The following NOL8 variants were observed in gnomAD, a reference collection of about 807,000 sequenced individuals.
The protein encoded by NOL8 is nucleolar protein Nop132.
NOL8 carries 93 observed loss-of-function variants against 116.1 expected under a neutral mutation model. That is an observed-to-expected ratio of 0.80 (90% confidence interval 0.68 to 0.95). The LOEUF is 0.95. Among genes scored for constraint, NOL8 ranks in the 40% least tolerant of loss-of-function variants. The pLI is 0.00. For missense variants in NOL8, 1,291 were observed against 1,382.8 expected, an observed-to-expected ratio of 0.93 and a Z score of 1.05; for synonymous variants, 419 against 469.0, an observed-to-expected ratio of 0.89 and a Z score of 1.38.
At chr9:92,307,954 C>A (rs1487496476) in intron 10 of NOL8, among the ~76,000 whole-genome samples, 2 of 152,136 alleles carry the variant, frequency 1.3e-5, no homozygotes, top group African/African-American at 4.8e-5. Flanking sequence ...CTGCTAATTT[C>A]AACAACTTTT....
In NOL8 at chr9:92,319,502, G is replaced by A. The variant is rs1217444100; in HGVS notation, c.282-146C>T. On this transcript the variant is annotated intron_variant, in intron 4 of 16. Transcript: ENST00000442668. ...ATAAAACAAAAATGCTTTCTTAGTA[G>A]CATAATAGCTTACCTACTTATCTGA... 5.9e-6 allele frequency: 4 copies of A among 680,668 alleles called. No homozygotes were observed. The East Asian group carries it at 1.3e-4, about 23-fold the overall frequency. The allele number at this position is 680,668 out of a possible 1,614,324, so 42.2% of individuals were successfully genotyped here.
In NOL8 at chr9:92,314,189, G is replaced by A. The variant is rs1468492278; in HGVS notation, c.2358+78C>T. 5 of 1,478,028 alleles carry A rather than the reference G, an allele frequency of 3.4e-6. No individual in the cohort carries two copies. In the African/African-American group the frequency reaches 5.6e-5, roughly 17 times the overall value. The allele number at this position is 1,478,028 out of a possible 1,614,324, so 91.6% of individuals were successfully genotyped here. A position where few individuals can be genotyped will look rare whatever the true frequency, so the allele number is the denominator to read the frequency against. Reference sequence around the variant, plus strand: ...ACACCAAGACAATCAGCTCTATGGGGGCACACCTAACTTCATGGGAAAGAA... The same window carrying A: ...ACACCAAGACAATCAGCTCTATGGGAGCACACCTAACTTCATGGGAAAGAA... On this transcript the variant is annotated intron_variant, in intron 7 of 16. Coordinates refer to ENST00000442668, the MANE Select transcript of NOL8 (RefSeq NM_017948.6).
rs76561676 is a variant in NOL8 at position 92,311,401 on chromosome 9, C to A, written c.2359-142G>T. 0.033 allele frequency: 19,323 copies of A among 589,142 alleles called. 641 individuals carry two copies. Among genetic ancestry groups the A allele is most frequent in the South Asian group, 0.13 (5,726 of 45,684 alleles). 36.5% of individuals were successfully genotyped at this position (589,142 alleles called of 1,614,324 possible). On this transcript the variant is annotated intron_variant, in intron 7 of 16. Transcript: ENST00000442668. ...GCACAGCAAAAGAAAAACTTATCAACAAAGTAAACAGACAACGTACAGAAT... is the reference window on the plus strand; with the variant it reads ...GCACAGCAAAAGAAAAACTTATCAAAAAAGTAAACAGACAACGTACAGAAT...
In NOL8 at chr9:92,315,046, T is replaced by TG. The variant is rs1270149210; in HGVS notation, c.1578dup (p.Lys527GlnfsTer55). On this transcript the variant is annotated frameshift_variant, in exon 7 of 17. Coordinates refer to ENST00000442668, the MANE Select transcript of NOL8 (RefSeq NM_017948.6). LOFTEE classifies it high-confidence loss of function. Reference sequence around the variant, plus strand: ...CCTCTGCGGAGGCCAGTGGGAGTCTTGGGGCTCTTGGAGCCTCTGTCAAAC... The same window carrying TG: ...CCTCTGCGGAGGCCAGTGGGAGTCTTGGGGGCTCTTGGAGCCTCTGTCAAAC... The TG allele has an allele frequency of 1.2e-6, 2 of 1,614,050 alleles. No individual in the cohort carries two copies. Among genetic ancestry groups the TG allele is most frequent in the Non-Finnish European group, 1.7e-6 (2 of 1,179,888 alleles).
At chr9:92,304,750 GTGTA>G (rs2134095706) in intron 12 of NOL8, among the ~76,000 whole-genome samples, 1 of 152,230 alleles carries the variant, frequency 6.6e-6, no homozygotes, top group East Asian at 1.9e-4. Context: ...GTAATTATGT[GTGTA>G]TGTAACTAGG....
At chr9:92,309,195 T>C (rs1285601999) in intron 10 of NOL8, among the ~76,000 whole-genome samples, 1 of 152,214 alleles carries the variant, frequency 6.6e-6, no homozygotes, top group Non-Finnish European at 1.5e-5. Context: ...TCCAACACTG[T>C]TAATAATCAC....
intron 13 of NOL8, chr9:92,300,458 TA>T: frequency 1.0e-6 from 1 of 988,272 alleles, no homozygotes; most frequent in Non-Finnish European, 1.2e-6. Flanking sequence ...AACTTTTTGC[TA>T]GAACTGCTGG....
rs746622958 is a variant in NOL8 at position 92,315,505 on chromosome 9, G to A, written c.1120C>T (p.Arg374Cys). The A allele has an allele frequency of 5.0e-6, 8 of 1,609,644 alleles. No homozygotes were observed. Among genetic ancestry groups the A allele is most frequent in the African/African-American group, 4.0e-5 (3 of 74,914 alleles). ...TCTGTATCTCCTGAGTCATACTCACGATCATTTCTCATAATATCATCATCA... is the reference window on the plus strand; with the variant it reads ...TCTGTATCTCCTGAGTCATACTCACAATCATTTCTCATAATATCATCATCA... The part of the protein sequence containing the change: ...DSDDDIMRND[R>C]EYDSGDTDEI... The change falls in exon 7 of 17, where the codon CGT (arginine) becomes TGT (cysteine). Residue 374 changes from arginine (R) to cysteine (C), a missense_variant. By Grantham distance (180) the Arg-to-Cys change is radical (BLOSUM62 -3). Coordinates refer to ENST00000442668, the MANE Select transcript of NOL8 (RefSeq NM_017948.6).
chr9:92,315,105 T>G lies in NOL8; in HGVS notation c.1520A>C (p.Lys507Thr). 1 of 1,614,022 alleles carries G rather than the reference T, an allele frequency of 6.2e-7. No individual in the cohort carries two copies. The highest frequency in any genetic ancestry group is 8.5e-7 in the Non-Finnish European group (1 of 1,179,896). ...GGTGGTGGTTTCTGGTCCATCACTC[T>G]TAGTATCTTCATTTGGAACCTTCAG... Reference protein sequence around the residue: ...SDLKVPNEDTKSDGPETTTQC... With the variant: ...SDLKVPNEDTTSDGPETTTQC... The change falls in exon 7 of 17, where the codon AAG becomes ACG. Residue 507 changes from lysine (K) to threonine (T), a missense_variant. By Grantham distance (78) the Lys-to-Thr change is moderately conservative (BLOSUM62 -1). Transcript: ENST00000442668.
At position 92,300,263 on chromosome 9, in the gene NOL8, A is replaced by C. The variant is rs10992299; in HGVS notation, c.3176-247T>G. The C allele has an allele frequency of 0.011, 11,494 of 1,042,928 alleles. 478 individuals carry two copies. The East Asian group carries it at 0.22, about 20-fold the overall frequency. 64.6% of individuals were successfully genotyped at this position (1,042,928 alleles called of 1,614,324 possible). A position where few individuals can be genotyped will look rare whatever the true frequency, so the allele number is the denominator to read the frequency against. On this transcript the variant is annotated intron_variant, in intron 13 of 16. Coordinates refer to ENST00000442668, the MANE Select transcript of NOL8 (RefSeq NM_017948.6). ...CTGATAAGGACAGCAGTAATATAAA[A>C]AAGGTTTAAAAAATAAAGGTTTATA...
At position 92,314,637 on chromosome 9, in the gene NOL8, C is replaced by G; in HGVS notation, c.1988G>C (p.Ser663Thr). 1 of 1,613,358 alleles carries G rather than the reference C, an allele frequency of 6.2e-7. No homozygotes were observed. The highest frequency in any genetic ancestry group is 8.5e-7 in the Non-Finnish European group (1 of 1,179,588). ...AGGATTCTTACTTCTCTTTTCAGAA[C>G]TGCTAGGGGACACTGCCTTGCGATC... is the stretch of plus-strand genomic sequence containing the variant. The part of the protein sequence containing the change: ...SQDRKAVSPS[S>T]SEKRSKNPIS... The change falls in exon 7 of 17, where the codon AGT becomes ACT. Residue 663 changes from serine (S) to threonine (T), a missense_variant. Transcript: ENST00000442668.
In NOL8 at chr9:92,315,239, T is replaced by C; in HGVS notation, c.1386A>G (p.Ala462=). 1 of 1,613,732 alleles carries C rather than the reference T, an allele frequency of 6.2e-7. No homozygotes were observed. The highest frequency in any genetic ancestry group is 8.5e-7 in the Non-Finnish European group (1 of 1,179,626). Residue 462 remains alanine (A), a synonymous_variant, in exon 7 of 17, where the codon GCA becomes GCG. Coordinates refer to ENST00000442668, the MANE Select transcript of NOL8 (RefSeq NM_017948.6). ...HSSSSEDADS[A]SELADSEGGE... is the part of the protein sequence containing the mutation. The stretch of plus-strand genomic sequence containing the variant: ...CTCCTTCAGAGTCAGCTAATTCTGA[T>C]GCAGAATCAGCATCTTCACTGCTAC...
At position 92,297,629 on chromosome 9, in the gene NOL8, T is replaced by C. The variant is rs190723847; in HGVS notation, c.*207A>G. 85 of 540,694 alleles carry C rather than the reference T, an allele frequency of 1.6e-4. No individual in the cohort carries two copies. The highest frequency in any genetic ancestry group is 1.6e-3 in the African/African-American group (80 of 51,466). 33.5% of individuals were successfully genotyped at this position (540,694 alleles called of 1,614,324 possible). The stretch of plus-strand genomic sequence containing the variant: ...TATCTTGTTCTTCCTTTATAAGAAG[T>C]TGAATTTAATTTTTGAAGTAATTAC... On this transcript the variant is annotated 3_prime_UTR_variant, in exon 17 of 17. Transcript: ENST00000442668.
intron 10 of NOL8, 82 bp downstream of exon 10, chr9:92,310,089 G>T: frequency 1.1e-6 from 1 of 914,042 alleles, no homozygotes; most frequent in Non-Finnish European, 1.7e-6. Context: ...GTTTCTTCAT[G>T]TGTTAAACAA....
In NOL8 at chr9:92,299,762, A is replaced by G. The variant is rs1437042170; in HGVS notation, c.3302+128T>C. 3.8e-6 allele frequency: 4 copies of G among 1,053,682 alleles called. No homozygotes were observed. The East Asian group carries it at 7.9e-5, about 21-fold the overall frequency. 65.3% of individuals were successfully genotyped at this position (1,053,682 alleles called of 1,614,324 possible). On this transcript the variant is annotated intron_variant, in intron 14 of 16. Coordinates refer to ENST00000442668, the MANE Select transcript of NOL8 (RefSeq NM_017948.6). ...GCAACACTCCGTCTCAAAAAAAAAA[A>G]ATAAAATAAAAAAAGAAGCTAAGAC... is the stretch of plus-strand genomic sequence containing the variant.
chr9:92,321,626 A>G, intron 4 of NOL8, 42 bp downstream of exon 4: 1 of 1,118,470 alleles, frequency 8.9e-7, no homozygotes. Context: ...CACTTACAAT[A>G]TAAAAAAAAT....
chr9:92,314,851 T>A lies in NOL8; in HGVS notation c.1774A>T (p.Ser592Cys), dbSNP rs752036230. The A allele has an allele frequency of 6.2e-7, 1 of 1,613,436 alleles. No individual in the cohort carries two copies. The highest frequency in any genetic ancestry group is 8.5e-7 in the Non-Finnish European group (1 of 1,179,692). The change falls in exon 7 of 17, where the codon AGT (serine) becomes TGT (cysteine). Residue 592 changes from serine (S) to cysteine (C), a missense_variant. Physicochemically the swap from Ser to Cys is moderately radical, Grantham distance 112. Transcript: ENST00000442668. ...KESMKKSLKD[S>C]VASNNKDQNS... ...TGATCTTTATTGTTAGAGGCAACACTGTCTTTCAAGGATTTTTTCATTGAC... is the reference window on the plus strand; with the variant it reads ...TGATCTTTATTGTTAGAGGCAACACAGTCTTTCAAGGATTTTTTCATTGAC...
At chr9:92,298,123 C>T in intron 16 of NOL8, 134 bp downstream of exon 16, 2 of 724,404 alleles carry the variant, frequency 2.8e-6, no homozygotes, top group South Asian at 3.8e-5. Flanking sequence ...TGGCTGGATT[C>T]TGAGACCAGT....
intron 14 of NOL8, among the ~76,000 whole-genome samples, 160 bp downstream of exon 14, chr9:92,299,730 C>T (rs1479275879): frequency 1.3e-5 from 2 of 148,330 alleles, no homozygotes; most frequent in East Asian, 2.0e-4. Flanking sequence ...ACAGCCTGGG[C>T]GACAGAGCAA....
Sources: gnomAD v4.1 joint callset for allele counts (sites outside exome capture counted in the v4.1 genomes callset) on GRCh38, gnomAD v4.1.1 for gene constraint, MANE v1.5 for transcripts, NCBI Gene and HGNC (gene_info 2026-07-23, HGNC 2026-07-21) for gene names.